The following SLC2A2 variants were observed in gnomAD, a reference collection of about 807,000 sequenced individuals.
The protein encoded by SLC2A2 is solute carrier family 2 member 2.
Under a neutral mutation model 54.5 loss-of-function variants are expected in SLC2A2, and 36 were observed. The ratio of observed to expected loss-of-function variants is 0.66; its 90% CI spans 0.51 to 0.87. The LOEUF (loss-of-function observed/expected upper bound fraction) is 0.87. SLC2A2 is among the 40% of genes least tolerant of loss of function. The pLI, the probability that SLC2A2 is intolerant of heterozygous loss-of-function variation, is 0.00. For missense variants in SLC2A2, 543 were observed against 624.3 expected, an observed-to-expected ratio of 0.87 and a Z score of 1.39; for synonymous variants, 223 against 219.1, an observed-to-expected ratio of 1.02 and a Z score of -0.16.
At chr3:171,020,470 C>T (rs1716402830) in intron 1 of SLC2A2, among the ~76,000 whole-genome samples, 1 of 152,144 alleles carries the variant, frequency 6.6e-6, no homozygotes, top group Non-Finnish European at 1.5e-5. Flanking sequence ...CCTCCTAACA[C>T]TTCTTTCTCT....
In SLC2A2 at chr3:171,026,675, C is replaced by G; in HGVS notation, c.-5G>C. ...CTTTACCTTATCTTCTGTCATTGTA[C>G]TAGTTGGGAGTCCTGTCAATTCCAG... On this transcript the variant is annotated 5_prime_UTR_variant, in exon 1 of 11. Coordinates refer to ENST00000314251, the MANE Select transcript of SLC2A2 (RefSeq NM_000340.2). 6.2e-7 allele frequency: 1 copy of G among 1,613,116 alleles called. No individual in the cohort carries two copies. The highest frequency in any genetic ancestry group is 8.5e-7 in the Non-Finnish European group (1 of 1,179,088).
chr3:171,017,528 T>C (rs1260265812), intron 2 of SLC2A2, among the ~76,000 whole-genome samples: 1 of 152,212 alleles, frequency 6.6e-6, no homozygotes, highest in Non-Finnish European at 1.5e-5. Flanking sequence ...AGAGGAAATA[T>C]AATGGACTTA....
At chr3:171,003,556 T>G (rs577190268) in intron 7 of SLC2A2, among the ~76,000 whole-genome samples, 1 of 152,120 alleles carries the variant, frequency 6.6e-6, no homozygotes, top group East Asian at 1.9e-4. Context: ...CCATTGACTA[T>G]TGACGTTTTT....
intron 1 of SLC2A2, among the ~76,000 whole-genome samples, chr3:171,024,767 A>G (rs531454776): frequency 1.9e-4 from 29 of 152,290 alleles, no homozygotes; most frequent in African/African-American, 6.3e-4. Context: ...ATTCAGTGTG[A>G]CAACTCAGGT....
In SLC2A2 at chr3:171,006,114, G is replaced by A. The variant is rs373515546; in HGVS notation, c.613-9C>T. The A allele has an allele frequency of 6.2e-7, 1 of 1,610,304 alleles. No individual in the cohort carries two copies. Among genetic ancestry groups the A allele is most frequent in the African/African-American group, 1.3e-5 (1 of 74,740 alleles). ...AATTCAAGACCAATAATCTGAAAAT[G>A]CAAGGAGGAAGTATATCAACTACAT... On this transcript the variant is annotated splice_polypyrimidine_tract_variant and intron_variant, in intron 5 of 10. Transcript: ENST00000314251.
Position 171,014,451 on chromosome 3 carries a change from T to C in SLC2A2, c.371+18A>G. The C allele has an allele frequency of 1.2e-6, 2 of 1,613,196 alleles. No homozygotes were observed. Among genetic ancestry groups the C allele is most frequent in the South Asian group, 2.2e-5 (2 of 91,052 alleles). Reference sequence around the variant, plus strand: ...ATATGAAAGTTTCTGTTTATGCTTATTTATGAAATTTGCCTACCTTCCAAG... The same window carrying C: ...ATATGAAAGTTTCTGTTTATGCTTACTTATGAAATTTGCCTACCTTCCAAG... On this transcript the variant is annotated intron_variant, in intron 3 of 10. Coordinates refer to ENST00000314251, the MANE Select transcript of SLC2A2 (RefSeq NM_000340.2).
chr3:171,012,030 A>C (rs1213843628), intron 3 of SLC2A2, among the ~76,000 whole-genome samples: 1 of 152,166 alleles, frequency 6.6e-6, no homozygotes, highest in African/African-American at 2.4e-5. Context: ...GCTTAATTCT[A>C]TGTAAGCATA....
At chr3:171,010,150 G>A (rs1305900357) in intron 3 of SLC2A2, 68 bp from the exon 4 acceptor site, 5 of 1,513,058 alleles carry the variant, frequency 3.3e-6, no homozygotes, top group African/African-American at 2.7e-5. Flanking sequence ...CGCTTTCAGA[G>A]CATGTTGAGA....
At chr3:171,016,398 T>C (rs1284439622) in intron 2 of SLC2A2, among the ~76,000 whole-genome samples, 1 of 152,166 alleles carries the variant, frequency 6.6e-6, no homozygotes, top group Non-Finnish European at 1.5e-5. Context: ...CCAGCCTGGA[T>C]GACAGAGTGA....
intron 3 of SLC2A2, among the ~76,000 whole-genome samples, chr3:171,013,875 CA>C: frequency 6.6e-6 from 1 of 152,112 alleles, no homozygotes; most frequent in Non-Finnish European, 1.5e-5. Context: ...GTTTTTAATC[CA>C]AAAAACCTAA....
chr3:171,022,225 T>C (rs1321632403), intron 1 of SLC2A2, among the ~76,000 whole-genome samples: 1 of 152,224 alleles, frequency 6.6e-6, no homozygotes, highest in Non-Finnish European at 1.5e-5. Context: ...GATCTTACGC[T>C]TTTAACTTCT....
At chr3:171,010,933 T>C (rs1435981058) in intron 3 of SLC2A2, among the ~76,000 whole-genome samples, 1 of 152,078 alleles carries the variant, frequency 6.6e-6, no homozygotes, top group African/African-American at 2.4e-5. Flanking sequence ...TTTTTTGCAG[T>C]CAAGCAGATA....
intron 1 of SLC2A2, among the ~76,000 whole-genome samples, chr3:171,025,311 T>TG (rs1716638049): frequency 1.1e-5 from 1 of 94,772 alleles, no homozygotes; most frequent in African/African-American, 8.6e-5. Context: ...TGTTTATACA[T>TG]TATAATATAA....
chr3:171,004,709 G>T, intron 7 of SLC2A2, among the ~76,000 whole-genome samples: 1 of 151,840 alleles, frequency 6.6e-6, no homozygotes, highest in East Asian at 1.9e-4. Context: ...AGACCTAAAA[G>T]CTAGCTAGTT....
At chr3:171,005,236 A>T in intron 7 of SLC2A2, 49 bp downstream of exon 7, 1 of 1,520,266 alleles carries the variant, frequency 6.6e-7, no homozygotes, top group Non-Finnish European at 9.1e-7. Context: ...TGCCTTCCCT[A>T]TTTTAATTCA....
chr3:171,019,531 T>C (rs1716356027), intron 1 of SLC2A2, among the ~76,000 whole-genome samples: 1 of 152,282 alleles, frequency 6.6e-6, no homozygotes, highest in African/African-American at 2.4e-5. Context: ...TGTCTAACTA[T>C]CTTAGAGAAA....
intron 1 of SLC2A2, among the ~76,000 whole-genome samples, chr3:171,019,225 TAGAG>T (rs1315541045): frequency 6.7e-6 from 1 of 150,234 alleles, no homozygotes; most frequent in African/African-American, 2.4e-5. Flanking sequence ...GCCGCCAAGA[TAGAG>T]CCATTATATC....
intron 8 of SLC2A2, among the ~76,000 whole-genome samples, chr3:171,000,901 T>A (rs1715304708): frequency 6.6e-6 from 1 of 152,124 alleles, no homozygotes; most frequent in Admixed American, 6.6e-5. Flanking sequence ...ATCCTTTTTA[T>A]ACTTTTTGAA....
In SLC2A2 at chr3:170,996,419, A is replaced by C; in HGVS notation, c.*1484T>G. On this transcript the variant is annotated 3_prime_UTR_variant, in exon 11 of 11. Coordinates refer to ENST00000314251, the MANE Select transcript of SLC2A2 (RefSeq NM_000340.2). Reference sequence around the variant, plus strand: ...GTGAACAACTTTAGAAAACAAAGCAAATGTTCAGTGGTTTTTAATTATTTC... The same window carrying C: ...GTGAACAACTTTAGAAAACAAAGCACATGTTCAGTGGTTTTTAATTATTTC... 1 of 391,062 alleles carries C rather than the reference A, an allele frequency of 2.6e-6. No homozygotes were observed. Among genetic ancestry groups the C allele is most frequent in the Non-Finnish European group, 4.5e-6 (1 of 221,426 alleles). 24.2% of individuals were successfully genotyped at this position (391,062 alleles called of 1,614,324 possible).
Sources: gnomAD v4.1 joint callset for allele counts (sites outside exome capture counted in the v4.1 genomes callset) on GRCh38, gnomAD v4.1.1 for gene constraint, MANE v1.5 for transcripts, NCBI Gene and HGNC (gene_info 2026-07-23, HGNC 2026-07-21) for gene names.